HLA-E: variants seen among roughly 807,000 people sequenced by gnomAD.
HLA-E encodes major histocompatibility complex, class I, E.
In HLA-E, 25 loss-of-function variants were observed where a neutral mutation model predicts 43.4. That is an observed-to-expected ratio of 0.58 (90% CI 0.42 to 0.80). The LOEUF is 0.80. Ranked by LOEUF, HLA-E falls within the 30% of genes least tolerant of loss-of-function variation. The pLI, the probability that HLA-E is intolerant of heterozygous loss-of-function variation, is 0.00. For missense variants in HLA-E, 343 were observed against 470.0 expected (o/e 0.73, Z 2.50); for synonymous variants, 161 against 197.6 (o/e 0.81, Z 1.55).
At position 30,490,474 on chromosome 6, in the gene HLA-E, A is replaced by T. The variant is rs1201027500; in HGVS notation, c.569A>T (p.His190Leu). 4 of 1,612,930 alleles carry T rather than the reference A, an allele frequency of 2.5e-6. No individual in the cohort carries two copies. The African/African-American group carries it at 5.3e-5, about 22-fold the overall frequency. ...GAAGACACATGCGTGGAGTGGCTCC[A>T]CAAATACCTGGAGAAGGGGAAGGAG... ...YLEDTCVEWLHKYLEKGKETL... is the reference protein window; with the variant it reads ...YLEDTCVEWLLKYLEKGKETL... The change falls in exon 3 of 8, where the codon CAC becomes CTC. Residue 190 changes from histidine (H) to leucine (L), a missense_variant. By Grantham distance (99) the His-to-Leu change is moderately conservative (BLOSUM62 -3). This residue lies in a region of HLA-E where 190 missense variants were observed against 283.6 expected (regional missense o/e 0.67). Transcript: ENST00000376630. This position sits in a 1 kb window ranked among gnomAD's most constrained non-coding sequence, Gnocchi z 6.6.
In HLA-E at chr6:30,491,689, T is replaced by G. The variant is rs1441515475; in HGVS notation, c.1003+36T>G. On this transcript the variant is annotated intron_variant, in intron 5 of 7. Transcript: ENST00000376630. The surrounding 1 kb of genome is among the most constrained non-coding windows in gnomAD (Gnocchi z 5.4). ...GAGAAGGGTGGGGTCTGAGTTTTCT[T>G]GTCCCACTGGGTGTTTCAAGCCCTA... is the stretch of plus-strand genomic sequence containing the variant. The G allele has an allele frequency of 1.3e-6, 2 of 1,538,388 alleles. No individual in the cohort carries two copies. Among genetic ancestry groups the G allele is most frequent in the Non-Finnish European group, 1.8e-6 (2 of 1,118,946 alleles).
Position 30,491,653 on chromosome 6 carries a change from G to C in HLA-E, c.1003G>C (p.Gly335Arg), listed in dbSNP as rs1796548745. Residue 335 changes from glycine to arginine, a missense_variant and splice_region_variant, in exon 5 of 8, where the codon GGT becomes CGT. Around this residue, in one of 3 missense-constraint regions of HLA-E, gnomAD observed 190 missense variants for 283.6 expected, o/e 0.67. Transcript: ENST00000376630. The surrounding 1 kb of genome is among the most constrained non-coding windows in gnomAD (Gnocchi z 5.4). ...AAVIWRKKSS[G>R]GKGGSYSKAE... ...TGTGATATGGAGGAAGAAGAGCTCA[G>C]GTGGGGAAGGGAGAAGGGTGGGGTC... 1 of 1,610,150 alleles carries C rather than the reference G, an allele frequency of 6.2e-7. No homozygotes were observed. Among genetic ancestry groups the C allele is most frequent in the Admixed American group, 1.7e-5 (1 of 59,728 alleles).
chr6:30,489,909 G>C lies in HLA-E; in HGVS notation c.248G>C (p.Arg83Pro). 1 of 1,612,978 alleles carries C rather than the reference G, an allele frequency of 6.2e-7. No individual in the cohort carries two copies. The highest frequency in any genetic ancestry group is 8.5e-7 in the Non-Finnish European group (1 of 1,179,970). The change falls in exon 2 of 8, where the codon CGG (arginine) becomes CCG (proline). Residue 83 changes from arginine to proline, a missense_variant. Physicochemically the swap from Arg to Pro is moderately radical, Grantham distance 103. This residue lies in a region of HLA-E where 94 missense variants were observed against 144.4 expected (regional missense o/e 0.65). Coordinates refer to ENST00000376630, the MANE Select transcript of HLA-E (RefSeq NM_005516.6). The surrounding 1 kb of genome is among the most constrained non-coding windows in gnomAD (Gnocchi z 5.6). The part of the protein sequence containing the change: ...MEQEGSEYWD[R>P]ETRSARDTAQ... ...CAGGAGGGGTCAGAGTATTGGGACCGGGAGACACGGAGCGCCAGGGACACC... is the reference window on the plus strand; with the variant it reads ...CAGGAGGGGTCAGAGTATTGGGACCCGGAGACACGGAGCGCCAGGGACACC...
chr6:30,492,364 C>G lies in HLA-E; in HGVS notation c.1004-40C>G. 1 of 1,611,394 alleles carries G rather than the reference C, an allele frequency of 6.2e-7. No homozygotes were observed. Among genetic ancestry groups the G allele is most frequent in the Non-Finnish European group, 8.5e-7 (1 of 1,177,506 alleles). On this transcript the variant is annotated intron_variant, in intron 5 of 7. Coordinates refer to ENST00000376630, the MANE Select transcript of HLA-E (RefSeq NM_005516.6). The surrounding 1 kb of genome is among the most constrained non-coding windows in gnomAD (Gnocchi z 4.5). ...GTTCCTCTAGGACCTTATGGCCCTG[C>G]CTCCTCCCTGGCCCCTCACAGGACA...
In HLA-E at chr6:30,492,347, A is replaced by G. The variant is rs1582380939; in HGVS notation, c.1004-57A>G. On this transcript the variant is annotated intron_variant, in intron 5 of 7. Transcript: ENST00000376630. This position sits in a 1 kb window ranked among gnomAD's most constrained non-coding sequence, Gnocchi z 4.5. The stretch of plus-strand genomic sequence containing the variant: ...GGATCCAAAACTAGGAGGTTCCTCT[A>G]GGACCTTATGGCCCTGCCTCCTCCC... 3.7e-5 allele frequency: 59 copies of G among 1,589,474 alleles called. No homozygotes were observed. In the East Asian group the frequency reaches 1.3e-3, roughly 34 times the overall value.
rs1457685857 is a variant in HLA-E at position 30,489,660 on chromosome 6, G to T, written c.64+65G>T. 1 of 1,608,086 alleles carries T rather than the reference G, an allele frequency of 6.2e-7. No homozygotes were observed. The highest frequency in any genetic ancestry group is 1.3e-5 in the African/African-American group (1 of 74,950). ...GTAGAGAGGGGCCGGCCCGGCGGGG[G>T]CGAAGGACTCGGGGAGCCGCGCCGG... On this transcript the variant is annotated intron_variant, in intron 1 of 7. Transcript: ENST00000376630. This position sits in a 1 kb window ranked among gnomAD's most constrained non-coding sequence, Gnocchi z 5.6.
Position 30,491,031 on chromosome 6 carries a change from C to G in HLA-E, c.611-106C>G, listed in dbSNP as rs1796498206. ...GCTGGTGTCAAGGTTTTGTCCTCTT[C>G]TCCTACTATAATTGTCCTCTTCCTT... is the stretch of plus-strand genomic sequence containing the variant. On this transcript the variant is annotated intron_variant, in intron 3 of 7. Transcript: ENST00000376630. This position sits in a 1 kb window ranked among gnomAD's most constrained non-coding sequence, Gnocchi z 5.4. The G allele has an allele frequency of 6.9e-7, 1 of 1,459,344 alleles. No homozygotes were observed. Among genetic ancestry groups the G allele is most frequent in the East Asian group, 2.3e-5 (1 of 43,816 alleles). 90.4% of individuals were successfully genotyped at this position (1,459,344 alleles called of 1,614,324 possible). A position where few individuals can be genotyped will look rare whatever the true frequency, so the allele number is the denominator to read the frequency against.
chr6:30,490,139 G>A lies in HLA-E; in HGVS notation c.335-101G>A. 1 of 1,513,940 alleles carries A rather than the reference G, an allele frequency of 6.6e-7. No homozygotes were observed. The highest frequency in any genetic ancestry group is 8.9e-7 in the Non-Finnish European group (1 of 1,118,108). 93.8% of individuals were successfully genotyped at this position (1,513,940 alleles called of 1,614,324 possible). A position where few individuals can be genotyped will look rare whatever the true frequency, so the allele number is the denominator to read the frequency against. ...CCCTAGACCGGGGAGAGTCTCAGGC[G>A]CCTTTACCCGGTTCTTTTTCAGTTT... On this transcript the variant is annotated intron_variant, in intron 2 of 7. Transcript: ENST00000376630. The surrounding 1 kb of genome is among the most constrained non-coding windows in gnomAD (Gnocchi z 6.6).
At position 30,492,420 on chromosome 6, in the gene HLA-E, C is replaced by A; in HGVS notation, c.1020C>A (p.Ser340Arg). 6.2e-7 allele frequency: 1 copy of A among 1,614,196 alleles called. No homozygotes were observed. The highest frequency in any genetic ancestry group is 1.1e-5 in the South Asian group (1 of 91,088). Residue 340 changes from serine (S) to arginine (R), a missense_variant, in exon 6 of 8, where the codon AGC becomes AGA. By Grantham distance (110) the Ser-to-Arg change is moderately radical. Around this residue, in one of 3 missense-constraint regions of HLA-E, gnomAD observed 190 missense variants for 283.6 expected, o/e 0.67. Transcript: ENST00000376630. The surrounding 1 kb of genome is among the most constrained non-coding windows in gnomAD (Gnocchi z 4.5). ...TTCCAACAGGTGGAAAAGGAGGGAGCTACTCTAAGGCTGAGTGTAAGTGCG... is the reference window on the plus strand; with the variant it reads ...TTCCAACAGGTGGAAAAGGAGGGAGATACTCTAAGGCTGAGTGTAAGTGCG... ...RKKSSGGKGG[S>R]YSKAEWSDSA...
chr6:30,492,350 A>T lies in HLA-E; in HGVS notation c.1004-54A>T. On this transcript the variant is annotated intron_variant, in intron 5 of 7. Transcript: ENST00000376630. The surrounding 1 kb of genome is among the most constrained non-coding windows in gnomAD (Gnocchi z 4.5). ...TCCAAAACTAGGAGGTTCCTCTAGGACCTTATGGCCCTGCCTCCTCCCTGG... is the reference window on the plus strand; with the variant it reads ...TCCAAAACTAGGAGGTTCCTCTAGGTCCTTATGGCCCTGCCTCCTCCCTGG... 1 of 1,595,308 alleles carries T rather than the reference A, an allele frequency of 6.3e-7. No homozygotes were observed. Among genetic ancestry groups the T allele is most frequent in the South Asian group, 1.1e-5 (1 of 90,726 alleles).
In HLA-E at chr6:30,489,671, G is replaced by A. The variant is rs1400507100; in HGVS notation, c.65-55G>A. 1.4e-5 allele frequency: 23 copies of A among 1,609,422 alleles called. No homozygotes were observed. The highest frequency in any genetic ancestry group is 3.7e-4 in the Middle Eastern group (2 of 5,478). ...CCGGCCCGGCGGGGGCGAAGGACTC[G>A]GGGAGCCGCGCCGGGAGGAGGGTCG... On this transcript the variant is annotated intron_variant, in intron 1 of 7. Transcript: ENST00000376630. The surrounding 1 kb of genome is among the most constrained non-coding windows in gnomAD (Gnocchi z 5.6).
chr6:30,491,077 G>A lies in HLA-E; in HGVS notation c.611-60G>A. The A allele has an allele frequency of 6.3e-7, 1 of 1,582,958 alleles. No homozygotes were observed. Among genetic ancestry groups the A allele is most frequent in the Non-Finnish European group, 8.6e-7 (1 of 1,160,278 alleles). On this transcript the variant is annotated intron_variant, in intron 3 of 7. Coordinates refer to ENST00000376630, the MANE Select transcript of HLA-E (RefSeq NM_005516.6). The surrounding 1 kb of genome is among the most constrained non-coding windows in gnomAD (Gnocchi z 5.4). ...TCCTTCTCAGGATGGTCACATGGGT[G>A]CTGCTGGAGTGTCCCATGAGAGATA... is the stretch of plus-strand genomic sequence containing the variant.
chr6:30,492,281 C>T lies in HLA-E; in HGVS notation c.1004-123C>T, dbSNP rs1392643260. The T allele has an allele frequency of 2.8e-5, 28 of 996,394 alleles. No homozygotes were observed. The highest frequency in any genetic ancestry group is 4.0e-5 in the Non-Finnish European group (25 of 619,696). 61.7% of individuals were successfully genotyped at this position (996,394 alleles called of 1,614,324 possible). On this transcript the variant is annotated intron_variant, in intron 5 of 7. Transcript: ENST00000376630. This position sits in a 1 kb window ranked among gnomAD's most constrained non-coding sequence, Gnocchi z 4.5. The stretch of plus-strand genomic sequence containing the variant: ...ACCTGCTTTCTTCACGTTTCCTGAT[C>T]CTGCCCTGGGTCTGCAGTCACAGTT...
Position 30,491,322 on chromosome 6 carries a change from G to A in HLA-E, c.796G>A (p.Ala266Thr). 1.9e-6 allele frequency: 3 copies of A among 1,614,234 alleles called. No homozygotes were observed. Among genetic ancestry groups the A allele is most frequent in the Non-Finnish European group, 2.5e-6 (3 of 1,180,038 alleles). The change falls in exon 4 of 8, where the codon GCA becomes ACA. Residue 266 changes from alanine to threonine, a missense_variant. Physicochemically the swap from Ala to Thr is moderately conservative, Grantham distance 58. Transcript: ENST00000376630. This position sits in a 1 kb window ranked among gnomAD's most constrained non-coding sequence, Gnocchi z 5.4. ...PAGDGTFQKW[A>T]AVVVPSGEEQ... ...AGGGGATGGAACCTTCCAGAAGTGG[G>A]CAGCTGTGGTGGTGCCTTCTGGAGA...
Position 30,491,804 on chromosome 6 carries a change from C to T in HLA-E, c.1003+151C>T, listed in dbSNP as rs1224249797. The T allele has an allele frequency of 1.4e-5, 9 of 635,058 alleles. No individual in the cohort carries two copies. The Admixed American group carries it at 2.2e-4, about 16-fold the overall frequency. 39.3% of individuals were successfully genotyped at this position (635,058 alleles called of 1,614,324 possible). ...GGGGCCCTGTGTGCCAGCACCTACT[C>T]TTTTTTTTTGAGACGGAGTCTTGGC... is the stretch of plus-strand genomic sequence containing the variant. On this transcript the variant is annotated intron_variant, in intron 5 of 7. Transcript: ENST00000376630. The surrounding 1 kb of genome is among the most constrained non-coding windows in gnomAD (Gnocchi z 5.4).
rs145034129 is a variant in HLA-E at position 30,490,502 on chromosome 6, G to A, written c.597G>A (p.Thr199=). The A allele has an allele frequency of 3.2e-4, 510 of 1,612,674 alleles. 3 individuals are homozygous for A. The African/African-American group carries it at 6.3e-3, about 20-fold the overall frequency. ...AATACCTGGAGAAGGGGAAGGAGACGCTGCTTCACCTGGGTAAGAGGGTCC... is the reference window on the plus strand; with the variant it reads ...AATACCTGGAGAAGGGGAAGGAGACACTGCTTCACCTGGGTAAGAGGGTCC... The part of the protein sequence containing the change: ...LHKYLEKGKE[T]LLHLEPPKTH... The change falls in exon 3 of 8, where the codon ACG becomes ACA. Residue 199 remains threonine (T), a synonymous_variant. Coordinates refer to ENST00000376630, the MANE Select transcript of HLA-E (RefSeq NM_005516.6). The surrounding 1 kb of genome is among the most constrained non-coding windows in gnomAD (Gnocchi z 6.6).
In HLA-E at chr6:30,493,672, T is replaced by C. The variant is rs527624036; in HGVS notation, c.*926T>C. 1 of 152,394 alleles carries C rather than the reference T, an allele frequency of 6.6e-6. No individual in the cohort carries two copies. The highest frequency in any genetic ancestry group is 1.9e-4 in the East Asian group (1 of 5,190). The allele number at this position is 152,394 out of a possible 1,614,324, so 9.4% of individuals were successfully genotyped here. A position where few individuals can be genotyped will look rare whatever the true frequency, so the allele number is the denominator to read the frequency against. On this transcript the variant is annotated 3_prime_UTR_variant, in exon 8 of 8. Transcript: ENST00000376630. The surrounding 1 kb of genome is among the most constrained non-coding windows in gnomAD (Gnocchi z 5.5). ...TGGGTTATCACAGGAATGGGACTGG[T>C]GGCTTTATAAGAAGAGGAAAAGAGA...
At position 30,490,316 on chromosome 6, in the gene HLA-E, C is replaced by CGCCT; in HGVS notation, c.412_415dup (p.Tyr139CysfsTer12). On this transcript the variant is annotated frameshift_variant, in exon 3 of 8. Coordinates refer to ENST00000376630, the MANE Select transcript of HLA-E (RefSeq NM_005516.6). LOFTEE classifies it high-confidence loss of function. The surrounding 1 kb of genome is among the most constrained non-coding windows in gnomAD (Gnocchi z 6.6). ...GCTTCCTCCGCGGGTATGAACAGTT[C>CGCCT]GCCTACGACGGCAAGGATTATCTCA... The CGCCT allele has an allele frequency of 1.9e-6, 3 of 1,613,048 alleles. No homozygotes were observed. Among genetic ancestry groups the CGCCT allele is most frequent in the Non-Finnish European group, 2.5e-6 (3 of 1,180,018 alleles).
chr6:30,492,966 C>G lies in HLA-E; in HGVS notation c.*220C>G. ...ACCATGACCCCCTTCCTCACACTGA[C>G]CTGTGTTCCTTCCCTGTTCTCTTTT... On this transcript the variant is annotated 3_prime_UTR_variant, in exon 8 of 8. Coordinates refer to ENST00000376630, the MANE Select transcript of HLA-E (RefSeq NM_005516.6). The surrounding 1 kb of genome is among the most constrained non-coding windows in gnomAD (Gnocchi z 4.5). 3.3e-6 allele frequency: 1 copy of G among 301,144 alleles called. No individual in the cohort carries two copies. 18.7% of individuals were successfully genotyped at this position (301,144 alleles called of 1,614,324 possible).
Sources: allele counts gnomAD v4.1 joint callset, GRCh38; gene constraint gnomAD v4.1.1; regional missense constraint gnomAD v4.1.1; non-coding constraint Gnocchi (gnomAD v3.1); transcripts MANE v1.5; gene names NCBI Gene and HGNC (gene_info 2026-07-23, HGNC 2026-07-21).